The following SLC24A2 variants were observed in gnomAD, a reference collection of about 807,000 sequenced individuals.
SLC24A2 encodes the protein sodium/potassium/calcium exchanger 2.
Under a neutral mutation model 62.0 loss-of-function variants are expected in SLC24A2, and 36 were observed. That is an observed-to-expected ratio of 0.58 (90% CI 0.44 to 0.77). SLC24A2 has a LOEUF of 0.77. Among genes scored for constraint, SLC24A2 ranks in the 30% least tolerant of loss-of-function variants. SLC24A2 has a pLI of 0.00. For synonymous variants in SLC24A2, 358 were observed against 294.0 expected (o/e 1.22, Z -2.23); for missense variants, 846 against 817.9 (o/e 1.03, Z -0.42).
the SLC24A2 span, among the ~76,000 whole-genome samples, chr9:20,296,133 C>T: frequency 6.6e-6 from 1 of 152,178 alleles, no homozygotes; most frequent in African/African-American, 2.4e-5. Context: ...AGAAAATCAC[C>T]TAATTGCAAT....
At chr9:19,776,496 C>A (rs1408870233) in intron 2 of SLC24A2, among the ~76,000 whole-genome samples, 1 of 152,198 alleles carries the variant, frequency 6.6e-6, no homozygotes, top group Non-Finnish European at 1.5e-5. Context: ...TAGAGACCAG[C>A]AGTCCAGGGA....
chr9:20,080,873 A>C, the SLC24A2 span, among the ~76,000 whole-genome samples: 2 of 152,164 alleles, frequency 1.3e-5, no homozygotes, highest in African/African-American at 4.8e-5. Flanking sequence ...AGACACATGA[A>C]AAAATGCTCA....
the SLC24A2 span, among the ~76,000 whole-genome samples, chr9:20,020,221 G>A: frequency 2.6e-5 from 4 of 152,144 alleles, no homozygotes; most frequent in Non-Finnish European, 4.4e-5. Context: ...CAATTACTGG[G>A]TATATACCCA....
chr9:19,790,841 C>T (rs554157238), upstream of SLC24A2, among the ~76,000 whole-genome samples: 7 of 152,192 alleles, frequency 4.6e-5, no homozygotes, highest in East Asian at 5.8e-4. Context: ...ACATGGGGTG[C>T]GGAGGGGAAT....
the SLC24A2 span, among the ~76,000 whole-genome samples, chr9:20,227,342 T>G: frequency 6.6e-6 from 1 of 152,162 alleles, no homozygotes; most frequent in South Asian, 2.1e-4. Context: ...GCCATGATCC[T>G]GTACTAACTT....
chr9:19,508,288 C>T lies in SLC24A2; in HGVS notation c.*7865G>A, dbSNP rs1832582940. On this transcript the variant is annotated 3_prime_UTR_variant, in exon 11 of 11. Coordinates refer to ENST00000341998, the MANE Select transcript of SLC24A2 (RefSeq NM_020344.4). ...ATAGAGTCTCAGCCCTTTAGAGAAA[C>T]TCTTCAGACCACAAAACAGCCTCTA... 6.6e-6 allele frequency: 1 copy of T among 152,158 alleles called. No homozygotes were observed. Among genetic ancestry groups the T allele is most frequent in the Non-Finnish European group, 1.5e-5 (1 of 68,036 alleles). The allele number at this position is 152,158 out of a possible 1,614,324, so 9.4% of individuals were successfully genotyped here.
the SLC24A2 span, among the ~76,000 whole-genome samples, chr9:20,103,861 C>T: frequency 1.2e-4 from 19 of 152,170 alleles, no homozygotes; most frequent in African/African-American, 1.9e-4. Context: ...ATGACTTTGA[C>T]GAGTTGAGAG....
chr9:19,837,400 C>T, the SLC24A2 span, among the ~76,000 whole-genome samples: 3 of 125,624 alleles, frequency 2.4e-5, no homozygotes, highest in African/African-American at 2.9e-5. Context: ...TGCAGTGAGC[C>T]GAGATTGCGC....
the SLC24A2 span, among the ~76,000 whole-genome samples, chr9:20,071,944 A>G: frequency 3.3e-5 from 5 of 152,198 alleles, no homozygotes; most frequent in Admixed American, 2.0e-4. Flanking sequence ...TTAAAAGCAT[A>G]CAAATAAACA....
At chr9:19,636,386 T>TCTTTCTTCCTTCCTTCCTCCCTCC (rs1554690439) in intron 2 of SLC24A2, among the ~76,000 whole-genome samples, 2 of 23,396 alleles carry the variant, frequency 8.5e-5, no homozygotes, top group Non-Finnish European at 1.7e-4. Context: ...TTTCTTTCTT[T>TCTTTCTTCCTTCCTTCCTCCCTCC]CTCCCTCTCT....
chr9:19,835,667 C>T, the SLC24A2 span, among the ~76,000 whole-genome samples: 13 of 152,106 alleles, frequency 8.5e-5, no homozygotes, highest in African/African-American at 1.9e-4. Flanking sequence ...GACAGATCAA[C>T]GAGACAGAAA....
the SLC24A2 span, among the ~76,000 whole-genome samples, chr9:19,838,920 C>T: frequency 4.6e-5 from 7 of 152,102 alleles, no homozygotes; most frequent in Non-Finnish European, 8.8e-5. Flanking sequence ...AGCTTCTGCA[C>T]AGCCAAAGAA....
the SLC24A2 span, among the ~76,000 whole-genome samples, chr9:19,845,052 A>C: frequency 6.6e-6 from 1 of 152,018 alleles, no homozygotes; most frequent in Non-Finnish European, 1.5e-5. Flanking sequence ...TCTGTGAAAA[A>C]TGACATTGGT....
At chr9:19,723,511 G>C (rs1170972758) in intron 2 of SLC24A2, among the ~76,000 whole-genome samples, 1 of 152,100 alleles carries the variant, frequency 6.6e-6, no homozygotes, top group Non-Finnish European at 1.5e-5. Context: ...GCCATAAGCT[G>C]TGTCTTTCAT....
At chr9:20,296,075 G>A in the SLC24A2 span, among the ~76,000 whole-genome samples, 4 of 152,162 alleles carry the variant, frequency 2.6e-5, no homozygotes, top group South Asian at 2.1e-4. Flanking sequence ...GCTACTTAAT[G>A]GTGAAAGATA....
At chr9:19,587,210 T>G (rs1462859304) in intron 5 of SLC24A2, among the ~76,000 whole-genome samples, 2 of 152,220 alleles carry the variant, frequency 1.3e-5, no homozygotes, top group East Asian at 3.8e-4. Context: ...GTTGAAAGAT[T>G]ATGATGACCT....
At chr9:20,213,955 T>C in the SLC24A2 span, among the ~76,000 whole-genome samples, 1 of 152,244 alleles carries the variant, frequency 6.6e-6, no homozygotes, top group East Asian at 1.9e-4. Flanking sequence ...AGCGGCATCA[T>C]GCAGTATTTG....
chr9:20,177,759 G>C, the SLC24A2 span, among the ~76,000 whole-genome samples: 2 of 152,098 alleles, frequency 1.3e-5, no homozygotes, highest in African/African-American at 4.8e-5. Flanking sequence ...AGTATCTATT[G>C]AGAGTTGACT....
the SLC24A2 span, among the ~76,000 whole-genome samples, chr9:20,146,188 G>C: frequency 1.3e-5 from 2 of 152,110 alleles, no homozygotes; most frequent in Non-Finnish European, 2.9e-5. Context: ...GGACTTGCCT[G>C]AGTTATTAAT....
Sources: gnomAD v4.1 joint callset for allele counts (sites outside exome capture counted in the v4.1 genomes callset) on GRCh38, gnomAD v4.1.1 for gene constraint, MANE v1.5 for transcripts, NCBI Gene and HGNC (gene_info 2026-07-23, HGNC 2026-07-21) for gene names.